WDR59: variants seen among roughly 807,000 people sequenced by gnomAD.
WDR59 encodes WD repeat domain 59, also known as GATOR2 complex protein WDR59.
Under a neutral mutation model 131.2 loss-of-function variants are expected in WDR59, and 100 were observed. The observed-to-expected ratio is 0.76, with a 90% CI of 0.65 to 0.90. The LOEUF is 0.90. Ranked by LOEUF, WDR59 falls within the 40% of genes least tolerant of loss-of-function variation. The probability of loss-of-function intolerance (pLI) is 0.00; values close to 1 mark genes in which losing one functional copy is unlikely to be tolerated. For synonymous variants in WDR59, 601 were observed against 466.2 expected, an observed-to-expected ratio of 1.29 and a Z score of -3.72; for missense variants, 1,203 against 1,262.2, an observed-to-expected ratio of 0.95 and a Z score of 0.71.
At chr16:74,910,600 T>C (rs1030754573) in intron 14 of WDR59, among the ~76,000 whole-genome samples, 2 of 152,196 alleles carry the variant, frequency 1.3e-5, no homozygotes, top group Non-Finnish European at 2.9e-5. Context: ...GAAATTGCTC[T>C]CAGTGACAAG....
intron 1 of WDR59, among the ~76,000 whole-genome samples, chr16:74,975,400 T>C (rs1236405856): frequency 6.6e-6 from 1 of 150,742 alleles, no homozygotes; most frequent in Admixed American, 6.6e-5. Context: ...CAGTGGCTTA[T>C]GCCTGTAATT....
At chr16:74,924,245 A>G (rs1359518324) in intron 8 of WDR59, among the ~76,000 whole-genome samples, 2 of 152,246 alleles carry the variant, frequency 1.3e-5, no homozygotes, top group African/African-American at 4.8e-5. Flanking sequence ...GCGGCAGGTC[A>G]CTGTCAACAG....
intron 16 of WDR59, among the ~76,000 whole-genome samples, chr16:74,909,281 C>G (rs1470789047): frequency 6.6e-6 from 1 of 152,106 alleles, no homozygotes; most frequent in Non-Finnish European, 1.5e-5. Flanking sequence ...CCAAGCTCAT[C>G]AGAATGAAGA....
rs111987716 is a variant in WDR59, at chr16:74,924,778, T to C, written c.652-775A>G. Among the ~76,000 whole-genome samples, 70 of 152,310 alleles carry C rather than the reference T, an allele frequency of 4.6e-4. 1 individual carries two copies. Among genetic ancestry groups the C allele is most frequent in the Middle Eastern group, 3.4e-3 (1 of 294 alleles). ...TAGATGACAGCAATCACTCTGGAAA[T>C]CGCTATGGCAATTTCTTTTTTTAAT... On this transcript the variant is annotated intron_variant, in intron 8 of 25. Coordinates refer to ENST00000262144, the MANE Select transcript of WDR59 (RefSeq NM_030581.4).
intron 1 of WDR59, among the ~76,000 whole-genome samples, chr16:74,978,171 T>C (rs1390618879): frequency 6.6e-6 from 1 of 151,632 alleles, no homozygotes; most frequent in Non-Finnish European, 1.5e-5. Flanking sequence ...CTGGCAAAGA[T>C]GGTTAGCCAG....
At chr16:74,897,290 T>G (rs1419542872) in intron 18 of WDR59, among the ~76,000 whole-genome samples, 2 of 152,208 alleles carry the variant, frequency 1.3e-5, no homozygotes, top group Non-Finnish European at 2.9e-5. Context: ...AGATGCTGCA[T>G]TTCAGGCCGG....
chr16:74,887,480 C>G lies in WDR59; in HGVS notation c.2419+203G>C, dbSNP rs536829615. ...CAAGGTTAAGAGATGAAAAGCAACA[C>G]AGCAAGGCACAAAGACCCCCAGAAC... is the stretch of plus-strand genomic sequence containing the variant. On this transcript the variant is annotated intron_variant, in intron 23 of 25. Coordinates refer to ENST00000262144, the MANE Select transcript of WDR59 (RefSeq NM_030581.4). 2.4e-4 allele frequency among the ~76,000 whole-genome samples: 37 copies of G among 152,284 alleles called. 1 individual carries two copies. The highest frequency in any genetic ancestry group is 8.9e-4 in the African/African-American group (37 of 41,552).
At chr16:74,923,143 A>T (rs1015760583) in intron 9 of WDR59, among the ~76,000 whole-genome samples, 2 of 152,232 alleles carry the variant, frequency 1.3e-5, no homozygotes, top group African/African-American at 4.8e-5. Context: ...GGTGGATTTT[A>T]TCACAATTTT....
chr16:74,916,504 G>GA (rs1038325101), intron 11 of WDR59, among the ~76,000 whole-genome samples: 6 of 151,836 alleles, frequency 4.0e-5, no homozygotes, highest in East Asian at 3.9e-4. Flanking sequence ...GCAAGCCTCA[G>GA]AAAAAAAATT....
intron 1 of WDR59, among the ~76,000 whole-genome samples, chr16:74,970,495 CAAA>C (rs746574195): frequency 5.4e-4 from 18 of 33,414 alleles, no homozygotes; most frequent in Admixed American, 2.1e-3. Context: ...ACTCTGTCTC[CAAA>C]AAAAAAAAAA....
chr16:74,973,453 A>G (rs925052699), intron 1 of WDR59, among the ~76,000 whole-genome samples: 1 of 152,060 alleles, frequency 6.6e-6, no homozygotes, highest in African/African-American at 2.4e-5. Flanking sequence ...TGCTCAGCTA[A>G]GTTTTTCATT....
At position 74,962,508 on chromosome 16, in the gene WDR59, G is replaced by C. The variant is rs181652725; in HGVS notation, c.104+3265C>G. ...CTTGAAGAGGTCCTTCACTTCCCTT[G>C]TTAGCTGTATTCCTAGGTATTTTAT... On this transcript the variant is annotated intron_variant, in intron 2 of 25. Transcript: ENST00000262144. Among the ~76,000 whole-genome samples, 9 of 152,182 alleles carry C rather than the reference G, an allele frequency of 5.9e-5. No individual in the cohort carries two copies. The East Asian group carries it at 1.7e-3, about 29-fold the overall frequency.
chr16:74,936,915 A>G (rs2031846536), intron 8 of WDR59, among the ~76,000 whole-genome samples: 1 of 152,218 alleles, frequency 6.6e-6, no homozygotes, highest in Admixed American at 6.5e-5. Flanking sequence ...AAAATAACTT[A>G]CAACCCTAAG....
intron 17 of WDR59, among the ~76,000 whole-genome samples, chr16:74,906,042 C>T (rs898851300): frequency 2.0e-4 from 30 of 151,802 alleles, no homozygotes; most frequent in African/African-American, 4.6e-4. Context: ...CGGCCGGGCG[C>T]GGTGGCTCAC....
intron 10 of WDR59, among the ~76,000 whole-genome samples, chr16:74,920,598 G>C (rs2030116195): frequency 6.6e-6 from 1 of 152,028 alleles, no homozygotes; most frequent in Non-Finnish European, 1.5e-5. Context: ...ATGGGGTTTT[G>C]CCATGTTGGC....
chr16:74,917,560 G>A (rs1966450610), intron 11 of WDR59, among the ~76,000 whole-genome samples: 1 of 152,160 alleles, frequency 6.6e-6, no homozygotes, highest in African/African-American at 2.4e-5. Flanking sequence ...AGTGATCCCA[G>A]CACTGTGGGA....
chr16:74,900,525 A>G (rs942191022), intron 18 of WDR59, among the ~76,000 whole-genome samples: 1 of 152,244 alleles, frequency 6.6e-6, no homozygotes, highest in Non-Finnish European at 1.5e-5. Flanking sequence ...AATGTATGCA[A>G]GGCAATACCT....
At chr16:74,901,841 C>A (rs1965568335) in intron 18 of WDR59, among the ~76,000 whole-genome samples, 1 of 151,318 alleles carries the variant, frequency 6.6e-6, no homozygotes, top group African/African-American at 2.4e-5. Context: ...CGTAAGATAT[C>A]ATGGCCATAT....
chr16:74,975,701 A>G (rs142972315), intron 1 of WDR59, among the ~76,000 whole-genome samples: 38 of 151,972 alleles, frequency 2.5e-4, no homozygotes, highest in African/African-American at 8.7e-4. Flanking sequence ...AAAAAAATTT[A>G]AAAAAGAAAA....
Sources: gnomAD v4.1 joint callset for allele counts (sites outside exome capture counted in the v4.1 genomes callset) on GRCh38, gnomAD v4.1.1 for gene constraint, MANE v1.5 for transcripts, NCBI Gene and HGNC (gene_info 2026-07-23, HGNC 2026-07-21) for gene names.